Variants in RAD54L2 observed in about 807,000 individuals in gnomAD.
The protein encoded by RAD54L2 is helicase ARIP4.
RAD54L2 carries 27 observed loss-of-function variants against 138.4 expected under a neutral mutation model. The observed-to-expected ratio is 0.20, with a 90% CI of 0.14 to 0.27. RAD54L2 has a LOEUF of 0.27. Ranked by LOEUF, RAD54L2 falls within the 10% of genes least tolerant of loss-of-function variation. The pLI is 1.00. For missense variants in RAD54L2, 1,396 were observed against 1,890.2 expected (o/e 0.74, Z 4.85); for synonymous variants, 644 against 723.2 (o/e 0.89, Z 1.76).
In RAD54L2 at chr3:51,638,480, G is replaced by A. The variant is rs1233608336; in HGVS notation, c.1860+159G>A. 9.6e-6 allele frequency: 8 copies of A among 830,172 alleles called. No homozygotes were observed. The highest frequency in any genetic ancestry group is 9.2e-6 in the Non-Finnish European group (5 of 541,492). The allele number at this position is 830,172 out of a possible 1,614,324, so 51.4% of individuals were successfully genotyped here. A position where few individuals can be genotyped will look rare whatever the true frequency, so the allele number is the denominator to read the frequency against. On this transcript the variant is annotated intron_variant, in intron 12 of 22. Coordinates refer to ENST00000684192, the MANE Select transcript of RAD54L2 (RefSeq NM_015106.4). This position sits in a 1 kb window ranked among gnomAD's most constrained non-coding sequence, Gnocchi z 4.3. Reference sequence around the variant, plus strand: ...AGGTTTGGGGGCTCCAAGGAGAGAGGTGATGGTTTTGTACCACATAACTCC... The same window carrying A: ...AGGTTTGGGGGCTCCAAGGAGAGAGATGATGGTTTTGTACCACATAACTCC...
chr3:51,626,434 A>ATTTTTTTTTTTTTT (rs1302087610), intron 3 of RAD54L2, among the ~76,000 whole-genome samples: 2 of 12,302 alleles, frequency 1.6e-4, no homozygotes, highest in African/African-American at 3.3e-4. Context: ...ACCCCCAACG[A>ATTTTTTTTTTTTTT]TCTTTTTTTT....
chr3:51,644,622 T>C (rs1701224773), intron 16 of RAD54L2, among the ~76,000 whole-genome samples: 1 of 152,240 alleles, frequency 6.6e-6, no homozygotes, highest in Admixed American at 6.5e-5. Context: ...GCCAAGCAGC[T>C]TGAAGGCTGT....
intron 2 of RAD54L2, among the ~76,000 whole-genome samples, chr3:51,550,997 A>G (rs1311888814): frequency 6.6e-6 from 1 of 152,176 alleles, no homozygotes; most frequent in Admixed American, 6.6e-5. Context: ...CAGTGAGCTG[A>G]GATGGCACCA....
At chr3:51,549,299 G>A (rs1200436714) in intron 2 of RAD54L2, among the ~76,000 whole-genome samples, 4 of 152,114 alleles carry the variant, frequency 2.6e-5, no homozygotes, top group African/African-American at 7.2e-5. Context: ...CGGCCTAGCA[G>A]CCCAGTAACT....
intron 20 of RAD54L2, among the ~76,000 whole-genome samples, chr3:51,656,848 G>A (rs545050101): frequency 5.9e-5 from 9 of 151,774 alleles, no homozygotes; most frequent in South Asian, 2.1e-4. Context: ...CGATTCTCCC[G>A]CCTCAGCCTC....
chr3:51,586,568 T>G (rs1175148992), intron 2 of RAD54L2, among the ~76,000 whole-genome samples: 3 of 133,574 alleles, frequency 2.2e-5, no homozygotes, highest in Non-Finnish European at 4.9e-5. Flanking sequence ...AAGAAAACAC[T>G]TTTTTTTTTT....
At chr3:51,603,607 A>G (rs1700121486) in intron 3 of RAD54L2, among the ~76,000 whole-genome samples, 1 of 151,930 alleles carries the variant, frequency 6.6e-6, no homozygotes, top group African/African-American at 2.4e-5. Flanking sequence ...CTCTGCCTCA[A>G]AATAAATAAA....
Position 51,582,807 on chromosome 3 carries a change from G to A in RAD54L2, c.-54-7560G>A, listed in dbSNP as rs377182311. On this transcript the variant is annotated intron_variant, in intron 2 of 22. Transcript: ENST00000684192. ...GGAGTCTCGCTCTGTCGCCCAGGCC[G>A]GACTGCGGACTGCAGTGGCGCAATC... Among the ~76,000 whole-genome samples the A allele has an allele frequency of 3.8e-3, 563 of 150,022 alleles. 2 individuals are homozygous for A. The highest frequency in any genetic ancestry group is 0.013 in the African/African-American group (521 of 40,280).
At chr3:51,611,446 G>A (rs1700327165) in intron 3 of RAD54L2, 1 of 152,050 alleles carries the variant, frequency 6.6e-6, no homozygotes, top group South Asian at 2.1e-4. Context: ...TATAAAAGCT[G>A]TGGTTCAATG....
chr3:51,640,642 C>A (rs1467838824), intron 14 of RAD54L2, among the ~76,000 whole-genome samples: 3 of 152,218 alleles, frequency 2.0e-5, no homozygotes, highest in Admixed American at 1.3e-4. Context: ...ATGTGACACA[C>A]TTTGAGAGGA....
intron 3 of RAD54L2, among the ~76,000 whole-genome samples, chr3:51,607,012 AATT>A (rs923212577): frequency 1.4e-5 from 2 of 145,614 alleles, no homozygotes; most frequent in South Asian, 2.2e-4. Context: ...TTATTATTTT[AATT>A]ATTATTATTA....
intron 3 of RAD54L2, among the ~76,000 whole-genome samples, chr3:51,618,490 T>C (rs1487276252): frequency 6.6e-6 from 1 of 152,104 alleles, no homozygotes; most frequent in African/African-American, 2.4e-5. Flanking sequence ...GGAGGATTGG[T>C]TGCTTGAATC....
At chr3:51,577,906 C>A (rs1466958778) in intron 2 of RAD54L2, among the ~76,000 whole-genome samples, 3 of 152,116 alleles carry the variant, frequency 2.0e-5, no homozygotes, top group African/African-American at 2.4e-5. Context: ...GAACCTCCCC[C>A]CAGTTACTTA....
intron 7 of RAD54L2, among the ~76,000 whole-genome samples, chr3:51,632,737 C>A (rs1216130920): frequency 1.3e-5 from 2 of 151,618 alleles, no homozygotes; most frequent in Non-Finnish European, 1.5e-5. Context: ...ACTAAAAATA[C>A]AAAAATTAGG....
At chr3:51,622,306 C>G (rs183437654) in intron 3 of RAD54L2, among the ~76,000 whole-genome samples, 3 of 152,274 alleles carry the variant, frequency 2.0e-5, no homozygotes, top group Non-Finnish European at 4.4e-5. Flanking sequence ...GGCTCACACA[C>G]GCAGTACATT....
intron 19 of RAD54L2, among the ~76,000 whole-genome samples, chr3:51,655,479 A>C (rs769091154): frequency 6.6e-6 from 1 of 152,220 alleles, no homozygotes; most frequent in Non-Finnish European, 1.5e-5. Flanking sequence ...GAGAGAAAGT[A>C]AAGATGTTTA....
Position 51,618,699 on chromosome 3 carries a change from C to T in RAD54L2, c.140-8854C>T, listed in dbSNP as rs558923153. Among the ~76,000 whole-genome samples the T allele has an allele frequency of 1.4e-4, 21 of 152,254 alleles. 1 individual carries two copies. The highest frequency in any genetic ancestry group is 8.5e-4 in the Admixed American group (13 of 15,286). Reference sequence around the variant, plus strand: ...AATAAGATCTTGGACTTTGAGCTGACGCTGTAATGACTTGGGGGGGTTCTT... The same window carrying T: ...AATAAGATCTTGGACTTTGAGCTGATGCTGTAATGACTTGGGGGGGTTCTT... On this transcript the variant is annotated intron_variant, in intron 3 of 22. Coordinates refer to ENST00000684192, the MANE Select transcript of RAD54L2 (RefSeq NM_015106.4).
rs764974958 is a variant in RAD54L2 at position 51,663,418 on chromosome 3, T to C, written c.4402T>C (p.Ter1468GlnextTer19). Residue 1468 changes from the stop codon to glutamine (Q), a stop_lost, in exon 23 of 23, where the codon TAG (stop) becomes CAG (glutamine). Transcript: ENST00000684192. ...TGATGTGATAGAGGTCACTGGGAAA[T>C]AGCTAGGGAGCCCCTCCCCACCTCA... ...DDDVIEVTGK[*>Q] 2.5e-6 allele frequency: 4 copies of C among 1,607,604 alleles called. No homozygotes were observed. The highest frequency in any genetic ancestry group is 1.1e-5 in the South Asian group (1 of 90,920).
At chr3:51,597,445 G>C (rs1016656537) in intron 3 of RAD54L2, among the ~76,000 whole-genome samples, 2 of 151,928 alleles carry the variant, frequency 1.3e-5, no homozygotes, top group Non-Finnish European at 2.9e-5. Flanking sequence ...TAGGAGGTTC[G>C]GTACTTTAAC....
Sources: gnomAD v4.1 joint callset for allele counts (sites outside exome capture counted in the v4.1 genomes callset) on GRCh38, gnomAD v4.1.1 for gene constraint, Gnocchi (gnomAD v3.1) non-coding constraint, MANE v1.5 for transcripts, NCBI Gene and HGNC (gene_info 2026-07-23, HGNC 2026-07-21) for gene names.